ACVR1C: variants seen among roughly 807,000 people sequenced by gnomAD.
The protein encoded by ACVR1C is activin A receptor type 1C.
Under a neutral mutation model 57.9 loss-of-function variants are expected in ACVR1C, and 23 were observed. That is an observed-to-expected ratio of 0.40 (90% CI 0.29 to 0.56). The LOEUF is 0.56. Ranked by LOEUF, ACVR1C falls within the 20% of genes least tolerant of loss-of-function variation. The pLI is 0.50. For synonymous variants in ACVR1C, 214 were observed against 215.3 expected (o/e 0.99, Z 0.05); for missense variants, 480 against 607.9 (o/e 0.79, Z 2.21).
At chr2:157,589,353 G>A (rs769848656) in intron 1 of ACVR1C, among the ~76,000 whole-genome samples, 24 of 151,624 alleles carry the variant, frequency 1.6e-4, no homozygotes, top group Middle Eastern at 3.2e-3. Flanking sequence ...GTGTTTGTTC[G>A]TGTCATTTGC....
rs1687329365 is a variant in ACVR1C at position 157,530,520 on chromosome 2, A to G, written c.*3398T>C. On this transcript the variant is annotated 3_prime_UTR_variant, in exon 9 of 9. Coordinates refer to ENST00000243349, the MANE Select transcript of ACVR1C (RefSeq NM_145259.3). ...GTTTTGTTTTATTAGTAATTCTACA[A>G]TAGTAGGTGTAATAAAATAATAAAT... 6.6e-6 allele frequency: 1 copy of G among 152,148 alleles called. No homozygotes were observed. Among genetic ancestry groups the G allele is most frequent in the African/African-American group, 2.4e-5 (1 of 41,460 alleles). The allele number at this position is 152,148 out of a possible 1,614,324, so 9.4% of individuals were successfully genotyped here.
At chr2:157,614,753 C>A (rs1291834330) in intron 1 of ACVR1C, among the ~76,000 whole-genome samples, 1 of 152,108 alleles carries the variant, frequency 6.6e-6, no homozygotes, top group Admixed American at 6.6e-5. Context: ...ATATCCCTTG[C>A]AGCATCTTAT....
At chr2:157,545,834 T>G (rs1303160186) in intron 4 of ACVR1C, among the ~76,000 whole-genome samples, 1 of 152,114 alleles carries the variant, frequency 6.6e-6, no homozygotes, top group Non-Finnish European at 1.5e-5. Context: ...GAGTGCAGTG[T>G]CGCAATCTCG....
rs1226598249 is a variant in ACVR1C at position 157,532,191 on chromosome 2, G to A, written c.*1727C>T. 2 of 151,958 alleles carry A rather than the reference G, an allele frequency of 1.3e-5. No homozygotes were observed. The highest frequency in any genetic ancestry group is 2.4e-5 in the African/African-American group (1 of 41,392). The allele number at this position is 151,958 out of a possible 1,614,324, so 9.4% of individuals were successfully genotyped here. On this transcript the variant is annotated 3_prime_UTR_variant, in exon 9 of 9. Transcript: ENST00000243349. ...ATAATCACTAAATTGTACTCTATGAGAAAATACAGAAGTATATCCTTCAGA... is the reference window on the plus strand; with the variant it reads ...ATAATCACTAAATTGTACTCTATGAAAAAATACAGAAGTATATCCTTCAGA...
chr2:157,604,576 C>A (rs1470577254), intron 1 of ACVR1C, among the ~76,000 whole-genome samples: 5 of 151,790 alleles, frequency 3.3e-5, no homozygotes, highest in Non-Finnish European at 5.9e-5. Context: ...TTTTATTTCT[C>A]TTTGCTAAAT....
intron 4 of ACVR1C, 43 bp from the exon 5 acceptor site, chr2:157,544,655 G>A (rs781667327): frequency 2.0e-6 from 3 of 1,517,650 alleles, no homozygotes; most frequent in Non-Finnish European, 9.0e-7. Flanking sequence ...TACATATTGA[G>A]AAAGAAGCCA....
chr2:157,617,032 G>GAAGAACT (rs1263510278), intron 1 of ACVR1C, among the ~76,000 whole-genome samples: 1 of 151,936 alleles, frequency 6.6e-6, no homozygotes, highest in East Asian at 1.9e-4. Flanking sequence ...AGGTAAAAGT[G>GAAGAACT]AAGAACTAAC....
rs1476886214 is a variant in ACVR1C at position 157,532,884 on chromosome 2, C to T, written c.*1034G>A. On this transcript the variant is annotated 3_prime_UTR_variant, in exon 9 of 9. Transcript: ENST00000243349. ...TGTGTATGTACAAAGGAAATAGGGA[C>T]CTCTGAATTGTATCTTAAAGACATT... 1.3e-5 allele frequency: 2 copies of T among 152,078 alleles called. No individual in the cohort carries two copies. Among genetic ancestry groups the T allele is most frequent in the African/African-American group, 2.4e-5 (1 of 41,408 alleles). The allele number at this position is 152,078 out of a possible 1,614,324, so 9.4% of individuals were successfully genotyped here.
chr2:157,529,516 G>A lies in ACVR1C; in HGVS notation c.*4402C>T, dbSNP rs1167903224. On this transcript the variant is annotated 3_prime_UTR_variant, in exon 9 of 9. Transcript: ENST00000243349. ...ATCAGTAAAAGTTGGGGATATGGCA[G>A]GGAACAGTGCTGGGTGTCACCACCA... The A allele has an allele frequency of 6.6e-6, 1 of 152,062 alleles. No homozygotes were observed. Among genetic ancestry groups the A allele is most frequent in the East Asian group, 1.9e-4 (1 of 5,196 alleles). 9.4% of individuals were successfully genotyped at this position (152,062 alleles called of 1,614,324 possible).
At chr2:157,605,073 C>T (rs1682362499) in intron 1 of ACVR1C, among the ~76,000 whole-genome samples, 1 of 151,674 alleles carries the variant, frequency 6.6e-6, no homozygotes, top group South Asian at 2.1e-4. Flanking sequence ...TGTAAACATG[C>T]AAGAGATTTT....
intron 6 of ACVR1C, among the ~76,000 whole-genome samples, chr2:157,541,511 T>G (rs1325795979): frequency 6.6e-6 from 1 of 152,182 alleles, no homozygotes; most frequent in African/African-American, 2.4e-5. Flanking sequence ...AGCCTTGCTG[T>G]ACTAGGGAGA....
chr2:157,553,830 C>T (rs1013194027), intron 3 of ACVR1C, among the ~76,000 whole-genome samples: 1 of 151,998 alleles, frequency 6.6e-6, no homozygotes, highest in East Asian at 1.9e-4. Context: ...GCACAGTGGG[C>T]CTCAAAGTGT....
At chr2:157,575,861 T>C (rs1573930855) in intron 2 of ACVR1C, among the ~76,000 whole-genome samples, 2 of 152,326 alleles carry the variant, frequency 1.3e-5, no homozygotes, top group South Asian at 2.1e-4. Context: ...TCAGACACTA[T>C]ACAAATTGAC....
Position 157,628,608 on chromosome 2 carries a change from G to T in ACVR1C, c.37C>A (p.Leu13Ile). The T allele has an allele frequency of 6.2e-7, 1 of 1,603,520 alleles. No individual in the cohort carries two copies. The highest frequency in any genetic ancestry group is 8.5e-7 in the Non-Finnish European group (1 of 1,175,844). Residue 13 changes from leucine (L) to isoleucine (I), a missense_variant, in exon 1 of 9, where the codon CTC becomes ATC. Physicochemically the swap from Leu to Ile is conservative, Grantham distance 5. Transcript: ENST00000243349. ...TCGGCGGCCGCTGCGAGCAGCAGGA[G>T]AGCCTGGCGGAGCGCTGAGCAGAGC... ...RALCSALRQA[L>I]LLLAAAAELS...
At chr2:157,571,321 C>A (rs1486138727) in intron 2 of ACVR1C, among the ~76,000 whole-genome samples, 1 of 34,660 alleles carries the variant, frequency 2.9e-5, no homozygotes, top group Non-Finnish European at 5.9e-5. Context: ...ACTTCATGTC[C>A]AAAACACCAA....
intron 2 of ACVR1C, among the ~76,000 whole-genome samples, chr2:157,576,614 A>C (rs1225109778): frequency 1.3e-5 from 2 of 152,104 alleles, no homozygotes; most frequent in Non-Finnish European, 2.9e-5. Flanking sequence ...CATTTCCTAT[A>C]TGGTTCCAGG....
chr2:157,622,675 A>G (rs1258660364), intron 1 of ACVR1C, among the ~76,000 whole-genome samples: 4 of 152,168 alleles, frequency 2.6e-5, no homozygotes. Context: ...ATTGGGGAAA[A>G]TCTCCAGGAC....
chr2:157,541,998 G>A (rs1222461920), intron 6 of ACVR1C, among the ~76,000 whole-genome samples: 1 of 152,146 alleles, frequency 6.6e-6, no homozygotes, highest in African/African-American at 2.4e-5. Flanking sequence ...GCTGGCTATA[G>A]CAAGAAAAAC....
chr2:157,546,906 C>T (rs190967604), intron 4 of ACVR1C, among the ~76,000 whole-genome samples: 146 of 151,510 alleles, frequency 9.6e-4, no homozygotes, highest in Middle Eastern at 3.4e-3. Flanking sequence ...CATGCTGGTG[C>T]GCTGCACCCA....
Sources: allele counts gnomAD v4.1 joint callset (sites outside exome capture counted in the v4.1 genomes callset), GRCh38; gene constraint gnomAD v4.1.1; transcripts MANE v1.5; gene names NCBI Gene and HGNC (gene_info 2026-07-23, HGNC 2026-07-21).